NSMAF: variants seen among roughly 807,000 people sequenced by gnomAD.
NSMAF encodes the protein neutral sphingomyelinase activation associated factor, also known as protein FAN.
A neutral mutation model predicts 134.9 loss-of-function variants in NSMAF; 90 were observed. That is an observed-to-expected ratio of 0.67 (90% CI 0.56 to 0.79). The LOEUF is 0.79. Among genes scored for constraint, NSMAF ranks in the 30% least tolerant of loss-of-function variants. The pLI is 0.00. For synonymous variants in NSMAF, 358 were observed against 389.6 expected, an observed-to-expected ratio of 0.92 and a Z score of 0.96; for missense variants, 1,010 against 1,119.0, an observed-to-expected ratio of 0.90 and a Z score of 1.39.
chr8:58,597,905 GA>G lies in NSMAF; in HGVS notation c.1586-4del. On this transcript the variant is annotated splice_polypyrimidine_tract_variant and splice_region_variant and intron_variant, in intron 19 of 30. Transcript: ENST00000038176. ...TTCATAGGTCAGGGGATGAAATACTGAAAAAGACATACAAAACACTATTGAA... is the reference window on the plus strand; with the variant it reads ...TTCATAGGTCAGGGGATGAAATACTGAAAAGACATACAAAACACTATTGAA... 2 of 1,601,358 alleles carry G rather than the reference GA, an allele frequency of 1.2e-6. No homozygotes were observed. The highest frequency in any genetic ancestry group is 1.7e-6 in the Non-Finnish European group (2 of 1,168,730).
intron 23 of NSMAF, 110 bp downstream of exon 23, chr8:58,594,122 T>A (rs1324207194): frequency 5.9e-6 from 5 of 854,700 alleles, no homozygotes; most frequent in Non-Finnish European, 9.7e-6. Flanking sequence ...TAAGTTTACT[T>A]TATGTGGAGG....
chr8:58,624,502 T>C (rs1806871227), intron 6 of NSMAF, among the ~76,000 whole-genome samples: 1 of 152,210 alleles, frequency 6.6e-6, no homozygotes, highest in Non-Finnish European at 1.5e-5. Context: ...TCTTTTTTTT[T>C]TTCTTTGACC....
chr8:58,659,174 C>T lies in NSMAF; in HGVS notation c.59+399G>A, dbSNP rs961338942. 2.9e-6 allele frequency: 4 copies of T among 1,377,832 alleles called. No homozygotes were observed. In the African/African-American group the frequency reaches 4.6e-5, roughly 16 times the overall value. The allele number at this position is 1,377,832 out of a possible 1,614,324, so 85.4% of individuals were successfully genotyped here. On this transcript the variant is annotated intron_variant, in intron 1 of 30. Coordinates refer to ENST00000038176, the MANE Select transcript of NSMAF (RefSeq NM_003580.4). ...AAGGGGAAGGATTAGAAAGGGGGTG[C>T]CCGCCGGGCAGCGTACTCACCCTCC...
chr8:58,634,729 A>C (rs534001210), intron 5 of NSMAF, among the ~76,000 whole-genome samples: 1 of 152,316 alleles, frequency 6.6e-6, no homozygotes, highest in Admixed American at 6.5e-5. Flanking sequence ...TATTGAGTGC[A>C]GTGGTGGGTG....
At chr8:58,601,964 CCCT>C in intron 14 of NSMAF, 91 bp downstream of exon 14, 1 of 936,764 alleles carries the variant, frequency 1.1e-6, no homozygotes, top group Non-Finnish European at 1.7e-6. Flanking sequence ...GGTATAATTC[CCCT>C]AAGCCTTGGA....
At position 58,607,688 on chromosome 8, in the gene NSMAF, A is replaced by G. The variant is rs138612248; in HGVS notation, c.759+81T>C. The G allele has an allele frequency of 2.0e-3, 2,087 of 1,038,762 alleles. 30 individuals are homozygous for G. In the African/African-American group the frequency reaches 0.028, roughly 14 times the overall value. 64.3% of individuals were successfully genotyped at this position (1,038,762 alleles called of 1,614,324 possible). On this transcript the variant is annotated intron_variant, in intron 11 of 30. Transcript: ENST00000038176. ...GTGTACTTGTACTTTCAGACATCCC[A>G]TAAGTGTTTACCGTCAATAAACTGC...
chr8:58,640,041 G>A (rs529723805), intron 2 of NSMAF: 2 of 455,240 alleles, frequency 4.4e-6, no homozygotes, highest in South Asian at 1.6e-5. Context: ...AATTAAAGGG[G>A]GTGGAAGAAA....
rs771828120 is a variant in NSMAF at position 58,606,016 on chromosome 8, G to A, written c.779C>T (p.Thr260Ile). 4 of 1,589,806 alleles carry A rather than the reference G, an allele frequency of 2.5e-6. No individual in the cohort carries two copies. The highest frequency in any genetic ancestry group is 3.4e-6 in the Non-Finnish European group (4 of 1,171,984). The stretch of plus-strand genomic sequence containing the variant: ...GATGTCGGAACACAGATCATCTTCT[G>A]TGCAAAATACTTCCAAGCCCTATAA... The part of the protein sequence containing the change: ...LMPLGLEVFC[T>I]EDDLCSDIYL... The change falls in exon 12 of 31, where the codon ACA becomes ATA. Residue 260 changes from threonine (T) to isoleucine (I), a missense_variant. Transcript: ENST00000038176.
In NSMAF at chr8:58,656,156, C is replaced by T. The variant is rs187729078; in HGVS notation, c.59+3417G>A. Among the ~76,000 whole-genome samples, 1,276 of 151,810 alleles carry T rather than the reference C, an allele frequency of 8.4e-3. 8 individuals carry two copies. Among genetic ancestry groups the T allele is most frequent in the Non-Finnish European group, 0.014 (938 of 67,948 alleles). Reference sequence around the variant, plus strand: ...GCCTCAGTCTCCCAAGTAGCTGGGACCACAGGCGCACGCCACCATGCCTGG... The same window carrying T: ...GCCTCAGTCTCCCAAGTAGCTGGGATCACAGGCGCACGCCACCATGCCTGG... On this transcript the variant is annotated intron_variant, in intron 1 of 30. Coordinates refer to ENST00000038176, the MANE Select transcript of NSMAF (RefSeq NM_003580.4).
intron 21 of NSMAF, 34 bp from the exon 22 acceptor site, chr8:58,595,693 A>G: frequency 7.5e-7 from 1 of 1,334,226 alleles, no homozygotes. Flanking sequence ...TGCTAAGTCA[A>G]CTAAGTTACC....
intron 26 of NSMAF, among the ~76,000 whole-genome samples, chr8:58,588,931 C>T (rs1025992829): frequency 5.3e-5 from 8 of 151,976 alleles, no homozygotes; most frequent in African/African-American, 1.7e-4. Flanking sequence ...ATACACAGTA[C>T]AGAAATCATG....
At chr8:58,619,870 A>T (rs1386267558) in intron 9 of NSMAF, among the ~76,000 whole-genome samples, 1 of 152,220 alleles carries the variant, frequency 6.6e-6, no homozygotes, top group African/African-American at 2.4e-5. Flanking sequence ...CTGATTCTAA[A>T]TTCAGATGGC....
chr8:58,587,923 T>A (rs766329560), intron 26 of NSMAF, among the ~76,000 whole-genome samples: 4 of 152,222 alleles, frequency 2.6e-5, no homozygotes, highest in Non-Finnish European at 5.9e-5. Flanking sequence ...TTCTATCACC[T>A]GCACTTGCTG....
At chr8:58,615,830 A>G (rs1197313171) in intron 9 of NSMAF, among the ~76,000 whole-genome samples, 2 of 152,202 alleles carry the variant, frequency 1.3e-5, no homozygotes, top group African/African-American at 2.4e-5. Context: ...GACATCAACT[A>G]TAAGTAAAGT....
intron 11 of NSMAF, 86 bp downstream of exon 11, chr8:58,607,683 A>G (rs1806438092): frequency 3.1e-6 from 3 of 979,374 alleles, no homozygotes; most frequent in Non-Finnish European, 4.9e-6. Flanking sequence ...ACTTTCAGAC[A>G]TCCCATAAGT....
chr8:58,635,679 C>T (rs956586812), intron 2 of NSMAF, 133 bp from the exon 3 acceptor site: 25 of 569,602 alleles, frequency 4.4e-5, no homozygotes, highest in African/African-American at 2.9e-4. Context: ...ATAAAGAGAA[C>T]GTCTCTATTT....
intron 9 of NSMAF, among the ~76,000 whole-genome samples, chr8:58,621,659 T>TTAAAA (rs1257682419): frequency 6.6e-6 from 1 of 152,226 alleles, no homozygotes; most frequent in Non-Finnish European, 1.5e-5. Context: ...TACTAAATTT[T>TTAAAA]TAAAATAATA....
At chr8:58,643,139 TA>T in intron 1 of NSMAF, 66 bp from the exon 2 acceptor site, 1 of 1,137,146 alleles carries the variant, frequency 8.8e-7, no homozygotes, top group South Asian at 1.2e-5. Flanking sequence ...GCAATATATT[TA>T]AAACGTCTGA....
At chr8:58,596,589 G>A (rs998668312) in intron 21 of NSMAF, among the ~76,000 whole-genome samples, 4 of 152,174 alleles carry the variant, frequency 2.6e-5, no homozygotes, top group African/African-American at 9.6e-5. Context: ...TTTGTCAAAT[G>A]TTAAATAAGT....
Sources: gnomAD v4.1 joint callset for allele counts (sites outside exome capture counted in the v4.1 genomes callset) on GRCh38, gnomAD v4.1.1 for gene constraint, MANE v1.5 for transcripts, NCBI Gene and HGNC (gene_info 2026-07-23, HGNC 2026-07-21) for gene names.